DOCK3: variants seen among roughly 807,000 people sequenced by gnomAD.
DOCK3 encodes the protein dedicator of cytokinesis 3.
In DOCK3, 60 loss-of-function variants were observed where a neutral mutation model predicts 265.6. The ratio of observed to expected loss-of-function variants is 0.23; its 90% CI spans 0.18 to 0.28. DOCK3 has a LOEUF of 0.28. DOCK3 is among the 10% of genes least tolerant of loss of function. DOCK3 has a pLI of 1.00. For synonymous variants in DOCK3, 881 were observed against 938.0 expected (o/e 0.94, Z 1.11); for missense variants, 1,981 against 2,594.3 (o/e 0.76, Z 5.14).
chr3:51,103,799 A>G (rs1270567935), intron 9 of DOCK3, among the ~76,000 whole-genome samples: 1 of 152,166 alleles, frequency 6.6e-6, no homozygotes, highest in Non-Finnish European at 1.5e-5. Flanking sequence ...GTTTGTGCTC[A>G]AGGAGAAAAA....
intron 4 of DOCK3, among the ~76,000 whole-genome samples, chr3:50,890,604 A>G (rs1413845871): frequency 4.6e-5 from 7 of 152,116 alleles, no homozygotes; most frequent in African/African-American, 1.7e-4. Flanking sequence ...TGGGAATATG[A>G]ATGAGTTTTT....
intron 3 of DOCK3, among the ~76,000 whole-genome samples, chr3:50,874,189 G>A (rs763033695): frequency 6.6e-6 from 1 of 151,002 alleles, no homozygotes; most frequent in Non-Finnish European, 1.5e-5. Flanking sequence ...TGCATTAAAT[G>A]TATAGATTGC....
chr3:51,318,066 G>T (rs981475861), intron 32 of DOCK3, among the ~76,000 whole-genome samples: 3 of 152,024 alleles, frequency 2.0e-5, no homozygotes, highest in Non-Finnish European at 2.9e-5. Context: ...GATTTTGACT[G>T]GGATTGCAGT....
chr3:51,062,979 G>T (rs1307385319), intron 5 of DOCK3, among the ~76,000 whole-genome samples: 2 of 152,142 alleles, frequency 1.3e-5, no homozygotes, highest in South Asian at 2.1e-4. Flanking sequence ...GTACCATCAG[G>T]ATGCTTAACT....
intron 5 of DOCK3, among the ~76,000 whole-genome samples, chr3:51,057,519 C>T (rs1357391593): frequency 6.6e-6 from 1 of 152,222 alleles, no homozygotes; most frequent in Non-Finnish European, 1.5e-5. Context: ...TATACTGTTA[C>T]TTTAATCCAC....
intron 40 of DOCK3, among the ~76,000 whole-genome samples, chr3:51,351,889 T>A (rs1348053686): frequency 6.6e-6 from 1 of 152,158 alleles, no homozygotes; most frequent in East Asian, 1.9e-4. Flanking sequence ...ACTCCTGACC[T>A]TATGTGATCC....
At chr3:51,331,373 T>C (rs576685514) in intron 33 of DOCK3, among the ~76,000 whole-genome samples, 1 of 152,212 alleles carries the variant, frequency 6.6e-6, no homozygotes, top group Non-Finnish European at 1.5e-5. Context: ...CAAGGCAGTG[T>C]TCCTTGGCCA....
intron 1 of DOCK3, among the ~76,000 whole-genome samples, chr3:50,762,499 A>ATAAAGAGTT (rs1426092801): frequency 1.3e-5 from 2 of 152,202 alleles, no homozygotes; most frequent in African/African-American, 2.4e-5. Context: ...TAGGAAATAT[A>ATAAAGAGTT]TAAAGAGTTG....
At position 51,159,438 on chromosome 3, in the gene DOCK3, T is replaced by C. The variant is rs2086022465; in HGVS notation, c.889+134T>C. ...TCTCAGGATTAGAGTCCAGCTTGTA[T>C]TGAAGCTATACCTAAGCTCAACTGC... is the stretch of plus-strand genomic sequence containing the variant. On this transcript the variant is annotated intron_variant, in intron 11 of 52. Coordinates refer to ENST00000266037, the MANE Select transcript of DOCK3 (RefSeq NM_004947.5). 4 of 751,088 alleles carry C rather than the reference T, an allele frequency of 5.3e-6. No individual in the cohort carries two copies. The South Asian group carries it at 6.3e-5, about 12-fold the overall frequency. 46.5% of individuals were successfully genotyped at this position (751,088 alleles called of 1,614,324 possible).
chr3:50,928,444 A>G (rs1428990693), intron 4 of DOCK3, among the ~76,000 whole-genome samples: 1 of 152,102 alleles, frequency 6.6e-6, no homozygotes, highest in Non-Finnish European at 1.5e-5. Context: ...TAGTGCTTTC[A>G]TGATTCATCT....
At chr3:51,286,361 A>G (rs1160891369) in intron 27 of DOCK3, among the ~76,000 whole-genome samples, 2 of 152,230 alleles carry the variant, frequency 1.3e-5, no homozygotes, top group African/African-American at 4.8e-5. Flanking sequence ...GCTAGGAAGA[A>G]TGAAGAATCA....
chr3:50,882,615 C>G (rs1319736805), intron 3 of DOCK3, among the ~76,000 whole-genome samples: 1 of 152,134 alleles, frequency 6.6e-6, no homozygotes, highest in Non-Finnish European at 1.5e-5. Context: ...AGTCAGGAAA[C>G]AACAGGTATT....
intron 5 of DOCK3, among the ~76,000 whole-genome samples, chr3:50,944,954 C>T (rs1190383644): frequency 6.6e-6 from 1 of 152,102 alleles, no homozygotes; most frequent in Non-Finnish European, 1.5e-5. Flanking sequence ...GAATGAAACT[C>T]CATCTCAAAA....
intron 5 of DOCK3, among the ~76,000 whole-genome samples, chr3:51,029,959 C>G (rs2079980522): frequency 1.3e-5 from 2 of 151,468 alleles, no homozygotes; most frequent in Admixed American, 6.6e-5. Flanking sequence ...TTGTGTTTCC[C>G]TGGGACACGG....
chr3:50,675,829 A>G lies in DOCK3; in HGVS notation c.37+529A>G, dbSNP rs1024442584. ...TTTAATTTGTTTTGCCTTTAGTATTAGAAATAATACCTTACGATGGGAAAT... is the reference window on the plus strand; with the variant it reads ...TTTAATTTGTTTTGCCTTTAGTATTGGAAATAATACCTTACGATGGGAAAT... On this transcript the variant is annotated intron_variant, in intron 1 of 52. Coordinates refer to ENST00000266037, the MANE Select transcript of DOCK3 (RefSeq NM_004947.5). The surrounding 1 kb of genome is among the most constrained non-coding windows in gnomAD (Gnocchi z 6.1). Among the ~76,000 whole-genome samples the G allele has an allele frequency of 5.9e-5, 9 of 152,186 alleles. No homozygotes were observed. Among genetic ancestry groups the G allele is most frequent in the African/African-American group, 2.2e-4 (9 of 41,438 alleles).
intron 2 of DOCK3, among the ~76,000 whole-genome samples, chr3:50,827,033 A>G (rs959694885): frequency 6.6e-6 from 1 of 152,174 alleles, no homozygotes; most frequent in Non-Finnish European, 1.5e-5. Flanking sequence ...ACTAACACTA[A>G]TAAATGAAAA....
intron 3 of DOCK3, among the ~76,000 whole-genome samples, chr3:50,844,251 T>C (rs1399143625): frequency 6.6e-6 from 1 of 152,246 alleles, no homozygotes; most frequent in Non-Finnish European, 1.5e-5. Flanking sequence ...AGTCTCACTC[T>C]GTCATCCAGG....
chr3:50,737,731 T>G (rs139424028), intron 1 of DOCK3, among the ~76,000 whole-genome samples: 1 of 152,388 alleles, frequency 6.6e-6, no homozygotes, highest in Non-Finnish European at 1.5e-5. Context: ...CATTGTGTTC[T>G]TCAGTTGCAG....
At chr3:50,687,292 C>T (rs971569045) in intron 1 of DOCK3, among the ~76,000 whole-genome samples, 13 of 152,086 alleles carry the variant, frequency 8.5e-5, no homozygotes, top group Non-Finnish European at 1.6e-4. Flanking sequence ...AGTTTGGCTT[C>T]GAATGCAGCC....
Sources: allele counts gnomAD v4.1 joint callset (sites outside exome capture counted in the v4.1 genomes callset), GRCh38; gene constraint gnomAD v4.1.1; non-coding constraint Gnocchi (gnomAD v3.1); transcripts MANE v1.5; gene names NCBI Gene and HGNC (gene_info 2026-07-23, HGNC 2026-07-21).